DPYD: variants seen among roughly 807,000 people sequenced by gnomAD.
The protein encoded by DPYD is dihydropyrimidine dehydrogenase [NADP(+)].
In DPYD, 109 loss-of-function variants were observed where a neutral mutation model predicts 116.2. The observed-to-expected ratio is 0.94, with a 90% CI of 0.80 to 1.10. The LOEUF (loss-of-function observed/expected upper bound fraction) is 1.10. Among genes scored for constraint, DPYD ranks in the 50% least tolerant of loss-of-function variants. DPYD has a pLI of 0.00. For synonymous variants in DPYD, 440 were observed against 432.0 expected, an observed-to-expected ratio of 1.02 and a Z score of -0.23; for missense variants, 1,302 against 1,254.5, an observed-to-expected ratio of 1.04 and a Z score of -0.57.
chr1:97,569,159 A>T (rs1420660182), intron 11 of DPYD, among the ~76,000 whole-genome samples: 2 of 151,998 alleles, frequency 1.3e-5, no homozygotes, highest in East Asian at 3.9e-4. Flanking sequence ...AAGCAGTGAG[A>T]TTAGTGAAAG....
intron 1 of DPYD, among the ~76,000 whole-genome samples, chr1:97,901,569 C>T (rs2101685356): frequency 6.6e-6 from 1 of 151,802 alleles, no homozygotes; most frequent in South Asian, 2.1e-4. Context: ...AAATACACCT[C>T]CCATATTAAC....
chr1:97,353,613 G>A (rs1670258463), intron 16 of DPYD, among the ~76,000 whole-genome samples: 1 of 147,922 alleles, frequency 6.8e-6, no homozygotes, highest in South Asian at 2.1e-4. Context: ...TTAATAACTG[G>A]AAAACTGCAT....
At chr1:97,253,229 A>G (rs940588312) in intron 18 of DPYD, among the ~76,000 whole-genome samples, 2 of 152,204 alleles carry the variant, frequency 1.3e-5, no homozygotes, top group East Asian at 3.9e-4. Flanking sequence ...TAATCCTACA[A>G]GGCGTGTTCA....
chr1:97,518,457 T>C (rs1228964688), intron 12 of DPYD, among the ~76,000 whole-genome samples: 1 of 152,026 alleles, frequency 6.6e-6, no homozygotes, highest in Non-Finnish European at 1.5e-5. Flanking sequence ...AAAAGCCTGT[T>C]CCCCCTCTGT....
At chr1:97,576,970 A>G (rs1653303823) in intron 10 of DPYD, among the ~76,000 whole-genome samples, 1 of 152,256 alleles carries the variant, frequency 6.6e-6, no homozygotes, top group Non-Finnish European at 1.5e-5. Flanking sequence ...AATTGTTTAA[A>G]GAAAAAATAG....
chr1:97,562,988 G>A (rs894538821), intron 11 of DPYD, among the ~76,000 whole-genome samples: 9 of 152,098 alleles, frequency 5.9e-5, no homozygotes, highest in Non-Finnish European at 1.2e-4. Context: ...CAAAGTGCTG[G>A]GATTACAGGC....
chr1:97,860,069 G>A (rs1001518726), intron 2 of DPYD, among the ~76,000 whole-genome samples: 1 of 152,098 alleles, frequency 6.6e-6, no homozygotes, highest in Non-Finnish European at 1.5e-5. Flanking sequence ...TAGGCTGGGT[G>A]CGGTGGCTCA....
intron 1 of DPYD, among the ~76,000 whole-genome samples, chr1:97,890,364 CCTTT>C (rs1356474805): frequency 6.6e-6 from 1 of 151,834 alleles, no homozygotes; most frequent in African/African-American, 2.4e-5. Context: ...ACTAAAACTT[CCTTT>C]ATTAGCTCAA....
At chr1:97,750,646 T>G (rs538195632) in intron 3 of DPYD, among the ~76,000 whole-genome samples, 1 of 152,254 alleles carries the variant, frequency 6.6e-6, no homozygotes, top group South Asian at 2.1e-4. Context: ...TGAAATTCCT[T>G]TCTCAAAATC....
intron 2 of DPYD, among the ~76,000 whole-genome samples, chr1:97,851,777 T>C (rs1444873971): frequency 6.6e-6 from 1 of 151,694 alleles, no homozygotes; most frequent in Non-Finnish European, 1.5e-5. Flanking sequence ...CTATCAATTA[T>C]AATGCACTAT....
intron 2 of DPYD, among the ~76,000 whole-genome samples, chr1:97,861,735 T>A (rs570203367): frequency 2.6e-5 from 4 of 152,028 alleles, no homozygotes; most frequent in Admixed American, 2.6e-4. Flanking sequence ...TGAGATATAA[T>A]TTTACACCCC....
At chr1:97,684,938 T>C (rs544561988) in intron 7 of DPYD, among the ~76,000 whole-genome samples, 2 of 152,266 alleles carry the variant, frequency 1.3e-5, no homozygotes, top group South Asian at 4.1e-4. Flanking sequence ...TGGTACCATT[T>C]CTTCTGAAAC....
intron 18 of DPYD, among the ~76,000 whole-genome samples, chr1:97,262,457 T>G (rs1663951898): frequency 6.6e-6 from 1 of 152,112 alleles, no homozygotes; most frequent in South Asian, 2.1e-4. Context: ...TTCCTAGTAA[T>G]TAACAATTCG....
intron 13 of DPYD, among the ~76,000 whole-genome samples, chr1:97,483,366 T>C (rs1338779089): frequency 6.6e-6 from 1 of 152,252 alleles, no homozygotes; most frequent in Non-Finnish European, 1.5e-5. Flanking sequence ...TGTATTTATC[T>C]GCCCTTGCTA....
chr1:97,340,223 C>T (rs1313980453), intron 16 of DPYD, among the ~76,000 whole-genome samples: 1 of 151,554 alleles, frequency 6.6e-6, no homozygotes, highest in African/African-American at 2.4e-5. Flanking sequence ...AAAAAGAATG[C>T]AGGAATGGAA....
chr1:97,111,092 C>A (rs1313156822), intron 20 of DPYD, among the ~76,000 whole-genome samples: 1 of 152,006 alleles, frequency 6.6e-6, no homozygotes, highest in African/African-American at 2.4e-5. Flanking sequence ...TACATACACC[C>A]CAAATCTCTC....
intron 8 of DPYD, among the ~76,000 whole-genome samples, chr1:97,599,804 A>C (rs1336415456): frequency 7.3e-6 from 1 of 137,030 alleles, no homozygotes; most frequent in Non-Finnish European, 1.5e-5. Context: ...TGGGTGGATC[A>C]CTTGAGGTCA....
At chr1:97,908,130 C>A (rs1291133073) in intron 1 of DPYD, among the ~76,000 whole-genome samples, 2 of 151,990 alleles carry the variant, frequency 1.3e-5, no homozygotes, top group African/African-American at 4.8e-5. Context: ...ACTGCAGCTT[C>A]CATCTCTCAG....
At chr1:97,108,347 A>T (rs1651332472) in intron 20 of DPYD, among the ~76,000 whole-genome samples, 1 of 152,108 alleles carries the variant, frequency 6.6e-6, no homozygotes, top group Non-Finnish European at 1.5e-5. Flanking sequence ...ATGATCTATG[A>T]GGTCCCTCCC....
Sources: allele counts gnomAD v4.1 joint callset (sites outside exome capture counted in the v4.1 genomes callset), GRCh38; gene constraint gnomAD v4.1.1; transcripts MANE v1.5; gene names NCBI Gene and HGNC (gene_info 2026-07-23, HGNC 2026-07-21).